The following ADSS1 variants were observed in gnomAD, a reference collection of about 807,000 sequenced individuals.
ADSS1 encodes the protein adenylosuccinate synthase 1, also known as adenylosuccinate synthetase isozyme 1.
ADSS1 carries 57 observed loss-of-function variants against 59.1 expected under a neutral mutation model. The ratio of observed to expected loss-of-function variants is 0.97; its 90% CI spans 0.78 to 1.20. The LOEUF (loss-of-function observed/expected upper bound fraction) is 1.20, where lower values mean the gene tolerates loss of function less well. ADSS1 is among the 50% of genes most tolerant of loss of function. The probability of loss-of-function intolerance (pLI) is 0.00; values close to 1 mark genes in which losing one functional copy is unlikely to be tolerated. For synonymous variants in ADSS1, 247 were observed against 249.4 expected, an observed-to-expected ratio of 0.99 and a Z score of 0.09; for missense variants, 603 against 610.3, an observed-to-expected ratio of 0.99 and a Z score of 0.13.
chr14:104,727,420 T>C (rs1890745998), intron 1 of ADSS1, among the ~76,000 whole-genome samples: 1 of 151,812 alleles, frequency 6.6e-6, no homozygotes, highest in Non-Finnish European at 1.5e-5. Flanking sequence ...TATGCCATCT[T>C]CCTCCTTGCC....
chr14:104,744,529 G>C (rs1891485371), intron 10 of ADSS1: 1 of 336,926 alleles, frequency 3.0e-6, no homozygotes, highest in Non-Finnish European at 5.4e-6. Flanking sequence ...CTCACAAGGA[G>C]CATGTGGCCT....
intron 3 of ADSS1, among the ~76,000 whole-genome samples, chr14:104,738,899 CAGCCTCAGGCTCAAGGGCGGGACGG>C (rs1891224773): frequency 6.6e-6 from 1 of 152,208 alleles, no homozygotes; most frequent in Admixed American, 6.5e-5. Context: ...CGCTGAGCTG[CAGCCTCAGGCTCAAGGGCGGGACGG>C]GTGTGAAAAG....
chr14:104,744,872 A>T lies in ADSS1; in HGVS notation c.1134A>T (p.Ser378=), dbSNP rs1891498785. The T allele has an allele frequency of 6.2e-7, 1 of 1,613,812 alleles. No homozygotes were observed. Among genetic ancestry groups the T allele is most frequent in the African/African-American group, 1.3e-5 (1 of 74,950 alleles). The change falls in exon 11 of 13, where the codon TCA becomes TCT. Residue 378 remains serine (S), a synonymous_variant. Coordinates refer to ENST00000330877, the MANE Select transcript of ADSS1 (RefSeq NM_152328.5). ...DVLGEVKVGV[S]YKLNGKRIPY... ...TGGGTGAGGTTAAAGTCGGTGTCTC[A>T]TACAAGCTGAACGGGAAAAGGATTC...
At chr14:104,730,136 G>A in intron 1 of ADSS1, 4 of 1,547,164 alleles carry the variant, frequency 2.6e-6, no homozygotes, top group Non-Finnish European at 3.5e-6. Flanking sequence ...GAGGAGCCAC[G>A]GGTCAAATGC....
chr14:104,738,213 G>T, intron 2 of ADSS1, 163 bp from the exon 3 acceptor site: 2 of 565,816 alleles, frequency 3.5e-6, no homozygotes, highest in Non-Finnish European at 6.2e-6. Flanking sequence ...GGCCAGGCTG[G>T]TTTCGAACTC....
Position 104,740,913 on chromosome 14 carries a change from G to C in ADSS1, c.659G>C (p.Arg220Thr). The C allele has an allele frequency of 6.2e-7, 1 of 1,613,976 alleles. No homozygotes were observed. The highest frequency in any genetic ancestry group is 8.5e-7 in the Non-Finnish European group (1 of 1,180,016). Residue 220 changes from arginine to threonine, a missense_variant, in exon 7 of 13, where the codon AGG (arginine) becomes ACG (threonine). Transcript: ENST00000330877. This position sits in a 1 kb window ranked among gnomAD's most constrained non-coding sequence, Gnocchi z 4.8. ...ATAGACATTGAAGGCCAACTCAAAA[G>C]GCTCAAGGTGAAGTCGGGGCCGCAG... ...LEIDIEGQLK[R>T]LKGFAERIRP...
In ADSS1 at chr14:104,735,138, C is replaced by T. The variant is rs368198688; in HGVS notation, c.295+16C>T. On this transcript the variant is annotated intron_variant, in intron 2 of 12. Transcript: ENST00000330877. ...TCCTTCATTGGTGAGTGCCCTGCCC[C>T]GACCTGTGTGTGAGCAGGAAAGGGG... is the stretch of plus-strand genomic sequence containing the variant. 183 of 1,589,746 alleles carry T rather than the reference C, an allele frequency of 1.2e-4. No individual in the cohort carries two copies. The highest frequency in any genetic ancestry group is 1.4e-4 in the Non-Finnish European group (164 of 1,164,708).
intron 2 of ADSS1, chr14:104,737,860 T>G (rs369420169): frequency 6.5e-6 from 1 of 153,448 alleles, no homozygotes; most frequent in East Asian, 1.9e-4. Flanking sequence ...TTTTTAAGGC[T>G]GAATACTCTT....
At chr14:104,742,195 C>G (rs1439629848) in intron 9 of ADSS1, among the ~76,000 whole-genome samples, 193 bp downstream of exon 9, 1 of 152,248 alleles carries the variant, frequency 6.6e-6, no homozygotes, top group Non-Finnish European at 1.5e-5. Context: ...TGGGCCTGTT[C>G]CCACGGCCAC....
At chr14:104,742,069 G>T in intron 9 of ADSS1, 67 bp downstream of exon 9, 1 of 1,582,356 alleles carries the variant, frequency 6.3e-7, no homozygotes, top group Non-Finnish European at 8.6e-7. Context: ...CCGGGGGTGG[G>T]GTGAGCAGTG....
intron 11 of ADSS1, chr14:104,745,999 A>G (rs1891540825): frequency 2.3e-6 from 1 of 441,634 alleles, no homozygotes; most frequent in East Asian, 3.6e-5. Flanking sequence ...GGTAGCACAT[A>G]TGTGTCATGT....
chr14:104,735,093 T>A lies in ADSS1; in HGVS notation c.266T>A (p.Ile89Asn), dbSNP rs765197637. The change falls in exon 2 of 13, where the codon ATC becomes AAC. Residue 89 changes from isoleucine (I) to asparagine (N), a missense_variant. Transcript: ENST00000330877. ...GACTTCCACCTGCTGCCCAGCGGCA[T>A]CATCAACACCAAGGCCGTGTCCTTC... ...EYDFHLLPSG[I>N]INTKAVSFIG... 21 of 1,612,684 alleles carry A rather than the reference T, an allele frequency of 1.3e-5. No homozygotes were observed. Among genetic ancestry groups the A allele is most frequent in the Non-Finnish European group, 1.8e-5 (21 of 1,179,302 alleles).
At chr14:104,724,530 C>T (rs1190177461) in intron 1 of ADSS1, 68 bp downstream of exon 1, 8 of 1,227,250 alleles carry the variant, frequency 6.5e-6, no homozygotes, top group Admixed American at 4.3e-5. Flanking sequence ...CCCAGACGGC[C>T]CCTGTCCTCC....
At chr14:104,738,918 G>A (rs191316817) in intron 3 of ADSS1, among the ~76,000 whole-genome samples, 142 of 152,290 alleles carry the variant, frequency 9.3e-4, no homozygotes, top group East Asian at 7.5e-3. Context: ...GCTCAAGGGC[G>A]GGACGGGTGT....
chr14:104,741,807 G>A, intron 8 of ADSS1, 41 bp from the exon 9 acceptor site: 1 of 1,608,208 alleles, frequency 6.2e-7, no homozygotes, highest in Non-Finnish European at 8.5e-7. Flanking sequence ...ATAATCTACA[G>A]GGGGTGACAG....
Position 104,730,670 on chromosome 14 carries a change from C to G in ADSS1, c.193-4350C>G, listed in dbSNP as rs988937561. On this transcript the variant is annotated intron_variant, in intron 1 of 12. Coordinates refer to ENST00000330877, the MANE Select transcript of ADSS1 (RefSeq NM_152328.5). ...TGGTGGGAGGACTGGGGAGTGGCCCCGAGAGGTGCTGCGGGTGTGAGGGTG... is the reference window on the plus strand; with the variant it reads ...TGGTGGGAGGACTGGGGAGTGGCCCGGAGAGGTGCTGCGGGTGTGAGGGTG... Among the ~76,000 whole-genome samples, 6 of 152,094 alleles carry G rather than the reference C, an allele frequency of 3.9e-5. No individual in the cohort carries two copies. The East Asian group carries it at 1.2e-3, about 29-fold the overall frequency.
At chr14:104,738,860 G>A (rs988848110) in intron 3 of ADSS1, among the ~76,000 whole-genome samples, 1 of 152,230 alleles carries the variant, frequency 6.6e-6, no homozygotes. Context: ...GGGCAGGGAC[G>A]GACGGCAGCC....
At chr14:104,743,507 A>C (rs1891450088) in intron 10 of ADSS1, 2 of 296,924 alleles carry the variant, frequency 6.7e-6, no homozygotes, top group Non-Finnish European at 1.3e-5. Context: ...GAAAGGATGC[A>C]CTGTCATCCT....
intron 3 of ADSS1, 69 bp from the exon 4 acceptor site, chr14:104,739,259 C>T (rs1462484842): frequency 2.0e-6 from 3 of 1,532,672 alleles, no homozygotes; most frequent in Admixed American, 3.8e-5. Flanking sequence ...TAGCCCAGCT[C>T]TGGCCCCTCA....
Sources: gnomAD v4.1 joint callset for allele counts (sites outside exome capture counted in the v4.1 genomes callset) on GRCh38, gnomAD v4.1.1 for gene constraint, Gnocchi (gnomAD v3.1) non-coding constraint, MANE v1.5 for transcripts, NCBI Gene and HGNC (gene_info 2026-07-23, HGNC 2026-07-21) for gene names.